SELENOI: variants seen among roughly 807,000 people sequenced by gnomAD.
The protein encoded by SELENOI is selenoprotein I.
A neutral mutation model predicts 50.7 loss-of-function variants in SELENOI; 24 were observed. The observed-to-expected ratio is 0.47, with a 90% CI of 0.34 to 0.67. SELENOI has a LOEUF of 0.67. Among genes scored for constraint, SELENOI ranks in the 30% least tolerant of loss-of-function variants. The pLI is 0.01. For missense variants in SELENOI, 352 were observed against 461.4 expected (o/e 0.76, Z 2.17); for synonymous variants, 155 against 170.2 (o/e 0.91, Z 0.70).
At chr2:26,377,908 T>C (rs1238569010) in intron 6 of SELENOI, among the ~76,000 whole-genome samples, 1 of 152,188 alleles carries the variant, frequency 6.6e-6, no homozygotes, top group Non-Finnish European at 1.5e-5. Context: ...TTATAGATTA[T>C]ATTTGTGGAG....
chr2:26,346,496 C>T (rs912303878), intron 1 of SELENOI: 3 of 530,626 alleles, frequency 5.7e-6, no homozygotes, highest in African/African-American at 4.1e-5. Context: ...TCGGCACCCC[C>T]CGGGAGATTT....
At chr2:26,376,729 T>C (rs1574761294) in intron 6 of SELENOI, among the ~76,000 whole-genome samples, 2 of 152,378 alleles carry the variant, frequency 1.3e-5, no homozygotes, top group African/African-American at 4.8e-5. Flanking sequence ...TTGAAGGACT[T>C]CCTTTAGGTT....
At chr2:26,358,363 G>A (rs1474771080) in intron 1 of SELENOI, among the ~76,000 whole-genome samples, 1 of 152,106 alleles carries the variant, frequency 6.6e-6, no homozygotes, top group African/African-American at 2.4e-5. Context: ...ACTCCAGCCT[G>A]GTGACAGAGT....
rs895083132 is a variant in SELENOI, at chr2:26,391,888, T to G, written c.*2785T>G. 2 of 152,238 alleles carry G rather than the reference T, an allele frequency of 1.3e-5. No individual in the cohort carries two copies. The highest frequency in any genetic ancestry group is 6.5e-5 in the Admixed American group (1 of 15,284). 9.4% of individuals were successfully genotyped at this position (152,238 alleles called of 1,614,324 possible). The stretch of plus-strand genomic sequence containing the variant: ...TACACATTTTGACATTGCCACAGTT[T>G]ACAGTGTCATTCTTCCACGAATAGG... On this transcript the variant is annotated 3_prime_UTR_variant, in exon 10 of 10. Transcript: ENST00000260585.
At position 26,350,733 on chromosome 2, in the gene SELENOI, G is replaced by A. The variant is rs148681744; in HGVS notation, c.57+4444G>A. Among the ~76,000 whole-genome samples the A allele has an allele frequency of 1.4e-3, 219 of 152,338 alleles. 6 individuals carry two copies. The East Asian group carries it at 0.033, about 23-fold the overall frequency. On this transcript the variant is annotated intron_variant, in intron 1 of 9. Transcript: ENST00000260585. The stretch of plus-strand genomic sequence containing the variant: ...CTGCTATGGAAGAGGAGAGGAGGCA[G>A]CTTCCAGGGAGTGGGAGCTAGAGTT...
At chr2:26,371,648 T>C (rs1219599403) in intron 4 of SELENOI, among the ~76,000 whole-genome samples, 1 of 152,234 alleles carries the variant, frequency 6.6e-6, no homozygotes, top group African/African-American at 2.4e-5. Context: ...CACTCGCGGT[T>C]AGGAGCTGGA....
At chr2:26,361,578 T>A (rs574056846) in intron 1 of SELENOI, among the ~76,000 whole-genome samples, 24 of 152,262 alleles carry the variant, frequency 1.6e-4, no homozygotes, top group African/African-American at 4.6e-4. Flanking sequence ...ATAAGTGGGC[T>A]CCTGCTGAGA....
Position 26,384,954 on chromosome 2 carries a change from TCCAGAAG to T in SELENOI, c.732-3_735del. On this transcript the variant is annotated splice_acceptor_variant and splice_polypyrimidine_tract_variant and coding_sequence_variant and intron_variant, in exon 8 of 10. Transcript: ENST00000260585. LOFTEE classifies it high-confidence loss of function. Reference sequence around the variant, plus strand: ...TTCTTTATATTACTTGATTTTTTTTTCCAGAAGCTATAAAAATAACACCTTGAAACTC... The same window carrying T: ...TTCTTTATATTACTTGATTTTTTTTTCTATAAAAATAACACCTTGAAACTC... 1.9e-6 allele frequency: 3 copies of T among 1,598,306 alleles called. No homozygotes were observed. Among genetic ancestry groups the T allele is most frequent in the Admixed American group, 1.8e-5 (1 of 56,942 alleles).
chr2:26,356,086 A>G (rs1241984142), intron 1 of SELENOI, among the ~76,000 whole-genome samples: 3 of 152,182 alleles, frequency 2.0e-5, no homozygotes, highest in Non-Finnish European at 4.4e-5. Flanking sequence ...TTAAAAGTAC[A>G]TTAAAAAACT....
chr2:26,370,325 C>T (rs1677388803), intron 4 of SELENOI, among the ~76,000 whole-genome samples: 1 of 151,816 alleles, frequency 6.6e-6, no homozygotes, highest in Admixed American at 6.6e-5. Context: ...CCTTTCTATT[C>T]CACAAAGCCG....
intron 1 of SELENOI, among the ~76,000 whole-genome samples, chr2:26,351,485 A>G (rs1676958805): frequency 6.6e-6 from 1 of 152,220 alleles, no homozygotes; most frequent in Admixed American, 6.5e-5. Flanking sequence ...AAGTTGAAAA[A>G]TTACGAGTGA....
chr2:26,364,852 G>A lies in SELENOI; in HGVS notation c.147G>A (p.Ala49=), dbSNP rs372437710. 63 of 1,608,108 alleles carry A rather than the reference G, an allele frequency of 3.9e-5. No homozygotes were observed. Among genetic ancestry groups the A allele is most frequent in the Middle Eastern group, 1.7e-4 (1 of 6,040 alleles). Residue 49 remains alanine, a synonymous_variant, in exon 3 of 10, where the codon GCG becomes GCA. Transcript: ENST00000260585. Reference sequence around the variant, plus strand: ...AATAGGTATTTCCTACTTGGCTGGCGCCCAATCTGATAACTTTTTCTGGCT... The same window carrying A: ...AATAGGTATTTCCTACTTGGCTGGCACCCAATCTGATAACTTTTTCTGGCT... The part of the protein sequence containing the change: ...TIVKVFPTWL[A]PNLITFSGFL...
rs1337365225 is a variant in SELENOI at position 26,367,012 on chromosome 2, C to G, written c.236-134C>G. 29 of 704,036 alleles carry G rather than the reference C, an allele frequency of 4.1e-5. No homozygotes were observed. In the East Asian group the frequency reaches 9.2e-4, roughly 22 times the overall value. The allele number at this position is 704,036 out of a possible 1,614,324, so 43.6% of individuals were successfully genotyped here. On this transcript the variant is annotated intron_variant, in intron 3 of 9. Coordinates refer to ENST00000260585, the MANE Select transcript of SELENOI (RefSeq NM_033505.4). The stretch of plus-strand genomic sequence containing the variant: ...GTTTCCTGGTATTATTTACGTAATT[C>G]TGGATTCAAAATATATTGTAAAGTA...
In SELENOI at chr2:26,380,968, G is replaced by A. The variant is rs532778336; in HGVS notation, c.683-2331G>A. 2.6e-5 allele frequency among the ~76,000 whole-genome samples: 4 copies of A among 151,214 alleles called. No individual in the cohort carries two copies. The East Asian group carries it at 7.8e-4, about 29-fold the overall frequency. ...AGATTTTTTTTTCTATAGGGTTGTT[G>A]GCCATTTCCTTTATTTTTAGAAGCT... is the stretch of plus-strand genomic sequence containing the variant. On this transcript the variant is annotated intron_variant, in intron 6 of 9. Transcript: ENST00000260585.
At chr2:26,368,578 A>C (rs780253339) in intron 4 of SELENOI, among the ~76,000 whole-genome samples, 2 of 152,220 alleles carry the variant, frequency 1.3e-5, no homozygotes, top group Non-Finnish European at 2.9e-5. Context: ...AGAAATACTA[A>C]GATGTTTGAT....
chr2:26,359,626 G>A (rs1677133946), intron 1 of SELENOI, among the ~76,000 whole-genome samples: 1 of 152,122 alleles, frequency 6.6e-6, no homozygotes, highest in Admixed American at 6.5e-5. Flanking sequence ...CTGGGTGACA[G>A]AGTGAGACTC....
chr2:26,352,513 G>A (rs1676981088), intron 1 of SELENOI, among the ~76,000 whole-genome samples: 2 of 152,134 alleles, frequency 1.3e-5, no homozygotes, highest in East Asian at 1.9e-4. Context: ...AGCCGGGTGC[G>A]GTGGCTCACG....
intron 6 of SELENOI, among the ~76,000 whole-genome samples, chr2:26,375,442 C>T (rs1677547052): frequency 6.6e-6 from 1 of 152,156 alleles, no homozygotes; most frequent in Non-Finnish European, 1.5e-5. Context: ...GGAGGGTCCA[C>T]ATTTGGTACA....
intron 1 of SELENOI, among the ~76,000 whole-genome samples, chr2:26,358,691 G>A (rs1268622109): frequency 6.6e-6 from 1 of 152,242 alleles, no homozygotes; most frequent in Admixed American, 6.5e-5. Flanking sequence ...GAAATCTGGA[G>A]AGGGCAGAAA....
Sources: gnomAD v4.1 joint callset for allele counts (sites outside exome capture counted in the v4.1 genomes callset) on GRCh38, gnomAD v4.1.1 for gene constraint, MANE v1.5 for transcripts, NCBI Gene and HGNC (gene_info 2026-07-23, HGNC 2026-07-21) for gene names.